The following COL4A2 variants were observed in gnomAD, a reference collection of about 807,000 sequenced individuals.
COL4A2 encodes the protein collagen type IV alpha 2 chain.
In COL4A2, 99 loss-of-function variants were observed where a neutral mutation model predicts 200.2. That is an observed-to-expected ratio of 0.49 (90% CI 0.42 to 0.58). COL4A2 has a LOEUF of 0.58. Among genes scored for constraint, COL4A2 ranks in the 20% least tolerant of loss-of-function variants. The probability of loss-of-function intolerance (pLI) is 0.00; values close to 1 mark genes in which losing one functional copy is unlikely to be tolerated. For synonymous variants in COL4A2, 897 were observed against 900.6 expected (o/e 1.00, Z 0.07); for missense variants, 1,950 against 2,314.1 (o/e 0.84, Z 3.23).
intron 3 of COL4A2, among the ~76,000 whole-genome samples, chr13:110,332,736 C>G (rs144909091): frequency 3.3e-5 from 5 of 152,208 alleles, no homozygotes; most frequent in African/African-American, 7.2e-5. Flanking sequence ...CTTAAAAACT[C>G]TGTGTTGAAA....
chr13:110,439,764 T>G, intron 15 of COL4A2, 25 bp from the exon 16 acceptor site: 1 of 1,613,888 alleles, frequency 6.2e-7, no homozygotes, highest in Non-Finnish European at 8.5e-7. Context: ...CTGAGCTGTT[T>G]GCTTCTGTTT....
At chr13:110,497,457 G>C (rs540407455) in intron 40 of COL4A2, among the ~76,000 whole-genome samples, 36 of 151,686 alleles carry the variant, frequency 2.4e-4, no homozygotes, top group African/African-American at 8.5e-4. Flanking sequence ...TGAGGATCTA[G>C]GTCAGTCCAC....
At position 110,512,446 on chromosome 13, in the gene COL4A2, C is replaced by T. The variant is rs183601704; in HGVS notation, c.*255C>T. On this transcript the variant is annotated 3_prime_UTR_variant, in exon 48 of 48. Coordinates refer to ENST00000360467, the MANE Select transcript of COL4A2 (RefSeq NM_001846.4). ...CCCCCATCAGCCCTGCTAGACGCAC[C>T]GCCTGAAGGCACAGCTAACCACTTC... 94 of 579,380 alleles carry T rather than the reference C, an allele frequency of 1.6e-4. No homozygotes were observed. The highest frequency in any genetic ancestry group is 1.4e-3 in the African/African-American group (73 of 53,582). The allele number at this position is 579,380 out of a possible 1,614,324, so 35.9% of individuals were successfully genotyped here. A position where few individuals can be genotyped will look rare whatever the true frequency, so the allele number is the denominator to read the frequency against.
chr13:110,332,431 G>A (rs1875967002), intron 3 of COL4A2, among the ~76,000 whole-genome samples: 2 of 152,206 alleles, frequency 1.3e-5, no homozygotes, highest in African/African-American at 2.4e-5. Context: ...CAAGAGGGAT[G>A]TAAACCAGGG....
At chr13:110,324,846 C>T (rs910090762) in intron 3 of COL4A2, among the ~76,000 whole-genome samples, 4 of 152,198 alleles carry the variant, frequency 2.6e-5, no homozygotes, top group East Asian at 3.9e-4. Flanking sequence ...GACCACCCTA[C>T]GCTTGCCTGC....
rs2139538414 is a variant in COL4A2, at chr13:110,493,078, CATGGGTGAAATAA to C, written c.3563-132_3563-120del. 310 of 876,728 alleles carry C rather than the reference CATGGGTGAAATAA, an allele frequency of 3.5e-4. 1 individual carries two copies. The highest frequency in any genetic ancestry group is 9.9e-4 in the East Asian group (37 of 37,366). 54.3% of individuals were successfully genotyped at this position (876,728 alleles called of 1,614,324 possible). On this transcript the variant is annotated intron_variant, in intron 38 of 47. Coordinates refer to ENST00000360467, the MANE Select transcript of COL4A2 (RefSeq NM_001846.4). ...GTGAAATAACGATGAGTGACACCCCCATGGGTGAAATAACGATGAGTGACACCCCCATGGGTGA... is the reference window on the plus strand; with the variant it reads ...GTGAAATAACGATGAGTGACACCCCCCGATGAGTGACACCCCCATGGGTGA...
At chr13:110,370,194 T>C (rs1377175721) in intron 4 of COL4A2, among the ~76,000 whole-genome samples, 1 of 136,478 alleles carries the variant, frequency 7.3e-6, no homozygotes, top group Non-Finnish European at 1.5e-5. Context: ...ACTAGTAATG[T>C]ATTTCTACCA....
intron 4 of COL4A2, among the ~76,000 whole-genome samples, chr13:110,414,115 C>T (rs1041640122): frequency 6.6e-6 from 1 of 152,166 alleles, no homozygotes; most frequent in Non-Finnish European, 1.5e-5. Flanking sequence ...TTTGAGGCTG[C>T]AGTGAGCTAT....
At position 110,357,476 on chromosome 13, in the gene COL4A2, T is replaced by C; in HGVS notation, c.104T>C (p.Val35Ala). ...CCTTGTGTTTTATTGTTGCAGGGTG[T>C]GAAGAAGTTTGATGTGCCGTGTGGA... The part of the protein sequence containing the change: ...GFLAQSVLAG[V>A]KKFDVPCGGR... Residue 35 changes from valine (V) to alanine (A), a missense_variant, in exon 4 of 48, where the codon GTG becomes GCG. Physicochemically the swap from Val to Ala is moderately conservative, Grantham distance 64. Transcript: ENST00000360467. The C allele has an allele frequency of 6.3e-7, 1 of 1,588,704 alleles. No individual in the cohort carries two copies. Among genetic ancestry groups the C allele is most frequent in the South Asian group, 1.1e-5 (1 of 87,334 alleles).
intron 14 of COL4A2, 125 bp downstream of exon 14, chr13:110,438,162 A>G: frequency 1.4e-6 from 1 of 722,810 alleles, no homozygotes; most frequent in Admixed American, 2.6e-5. Flanking sequence ...CCCCTTGTCC[A>G]TAGCAGAACA....
chr13:110,332,259 T>C (rs770637327), intron 3 of COL4A2, among the ~76,000 whole-genome samples: 2 of 152,226 alleles, frequency 1.3e-5, no homozygotes, highest in Non-Finnish European at 2.9e-5. Context: ...GAAATGCATA[T>C]TGAAACCTAC....
intron 3 of COL4A2, among the ~76,000 whole-genome samples, chr13:110,341,847 G>T (rs1043412799): frequency 3.9e-5 from 6 of 152,208 alleles, no homozygotes; most frequent in Admixed American, 6.5e-5. Context: ...TAATAAAAGC[G>T]GATATGAAAG....
chr13:110,482,401 G>A (rs1882965143), intron 31 of COL4A2, 115 bp from the exon 32 acceptor site: 1 of 1,159,210 alleles, frequency 8.6e-7, no homozygotes, highest in Non-Finnish European at 1.3e-6. Flanking sequence ...CCTATTTTAG[G>A]TTCAGAATCT....
intron 4 of COL4A2, among the ~76,000 whole-genome samples, chr13:110,360,568 G>A (rs937086160): frequency 5.9e-5 from 9 of 152,260 alleles, no homozygotes; most frequent in Non-Finnish European, 1.3e-4. Flanking sequence ...ATTTCCCAGC[G>A]TCCCTAGTGA....
At chr13:110,333,762 C>A (rs1473591311) in intron 3 of COL4A2, among the ~76,000 whole-genome samples, 1 of 152,142 alleles carries the variant, frequency 6.6e-6, no homozygotes, top group African/African-American at 2.4e-5. Flanking sequence ...TTATTCTGGG[C>A]CTTGGGCAGT....
intron 3 of COL4A2, among the ~76,000 whole-genome samples, chr13:110,310,722 C>T (rs112729693): frequency 5.9e-5 from 9 of 152,188 alleles, no homozygotes; most frequent in Admixed American, 2.6e-4. Context: ...CGCTGGGAGC[C>T]CTTTGGCTTG....
At chr13:110,384,929 T>C (rs967655322) in intron 4 of COL4A2, among the ~76,000 whole-genome samples, 2 of 152,070 alleles carry the variant, frequency 1.3e-5, no homozygotes, top group African/African-American at 4.8e-5. Flanking sequence ...GGGTACACTG[T>C]AGGGAAGAAG....
chr13:110,423,162 A>G (rs952501678), intron 4 of COL4A2, among the ~76,000 whole-genome samples: 8 of 152,208 alleles, frequency 5.3e-5, no homozygotes, highest in Admixed American at 2.6e-4. Flanking sequence ...AAATTAGGAC[A>G]TACGTTTTTT....
At chr13:110,486,855 A>G (rs1217886294) in intron 34 of COL4A2, among the ~76,000 whole-genome samples, 2 of 152,124 alleles carry the variant, frequency 1.3e-5, no homozygotes, top group Non-Finnish European at 2.9e-5. Context: ...TCACAAGATA[A>G]TGTCATCAGT....
Sources: gnomAD v4.1 joint callset for allele counts (sites outside exome capture counted in the v4.1 genomes callset) on GRCh38, gnomAD v4.1.1 for gene constraint, MANE v1.5 for transcripts, NCBI Gene and HGNC (gene_info 2026-07-23, HGNC 2026-07-21) for gene names.